RGS7: variants seen among roughly 807,000 people sequenced by gnomAD.
RGS7 encodes regulator of G protein signaling 7.
Under a neutral mutation model 81.1 loss-of-function variants are expected in RGS7, and 27 were observed. That is an observed-to-expected ratio of 0.33 (90% CI 0.25 to 0.46). The LOEUF (loss-of-function observed/expected upper bound fraction) is 0.46, where lower values mean the gene tolerates loss of function less well. RGS7 is among the 20% of genes least tolerant of loss of function. RGS7 has a pLI of 1.00. For synonymous variants in RGS7, 208 were observed against 207.7 expected (o/e 1.00, Z -0.01); for missense variants, 396 against 607.4 (o/e 0.65, Z 3.66).
chr1:240,895,347 G>C (rs1016695816), intron 6 of RGS7, among the ~76,000 whole-genome samples: 2 of 151,480 alleles, frequency 1.3e-5, no homozygotes, highest in African/African-American at 2.4e-5. Context: ...GTGCAGGTTT[G>C]TTACATACAT....
At chr1:241,243,040 G>A (rs1048065515) in intron 2 of RGS7, among the ~76,000 whole-genome samples, 1 of 151,950 alleles carries the variant, frequency 6.6e-6, no homozygotes, top group African/African-American at 2.4e-5. Flanking sequence ...TTTTGTGTGT[G>A]TCTTTTGTTT....
chr1:240,908,187 G>C (rs974053932), intron 6 of RGS7, among the ~76,000 whole-genome samples: 1 of 132,306 alleles, frequency 7.6e-6, no homozygotes, highest in Non-Finnish European at 1.6e-5. Flanking sequence ...ATCACACACC[G>C]GGGCCTGTCG....
intron 3 of RGS7, among the ~76,000 whole-genome samples, chr1:241,078,823 T>C (rs918468551): frequency 6.6e-6 from 1 of 152,142 alleles, no homozygotes; most frequent in African/African-American, 2.4e-5. Context: ...TTCACAATCA[T>C]ATATGCATCA....
intron 14 of RGS7, among the ~76,000 whole-genome samples, chr1:240,808,390 G>C (rs1472389587): frequency 6.6e-6 from 1 of 152,074 alleles, no homozygotes; most frequent in Middle Eastern, 3.2e-3. Flanking sequence ...AAATATAAAG[G>C]GGTTGAGAAG....
chr1:241,179,761 A>G (rs979592353), intron 2 of RGS7, among the ~76,000 whole-genome samples: 3 of 152,316 alleles, frequency 2.0e-5, no homozygotes, highest in East Asian at 1.9e-4. Flanking sequence ...CAGCCTGTTG[A>G]CTTCCAAGAA....
At chr1:241,167,971 G>T (rs1022682875) in intron 2 of RGS7, among the ~76,000 whole-genome samples, 1 of 152,172 alleles carries the variant, frequency 6.6e-6, no homozygotes, top group Non-Finnish European at 1.5e-5. Flanking sequence ...CCTTCAGACT[G>T]CATGTCTTCA....
At chr1:241,103,534 A>G (rs2064907843) in intron 2 of RGS7, among the ~76,000 whole-genome samples, 1 of 152,212 alleles carries the variant, frequency 6.6e-6, no homozygotes, top group African/African-American at 2.4e-5. Context: ...ACTAGGTCAA[A>G]GAGCCAATTC....
chr1:240,894,524 C>T (rs73116089), intron 6 of RGS7, among the ~76,000 whole-genome samples: 3,190 of 151,490 alleles, frequency 0.021, 93 homozygotes, highest in African/African-American at 0.069. Context: ...ATCTTTCTTC[C>T]AATTTACTTG....
intron 4 of RGS7, among the ~76,000 whole-genome samples, chr1:240,965,986 A>C (rs1396538010): frequency 6.6e-6 from 1 of 152,118 alleles, no homozygotes; most frequent in Non-Finnish European, 1.5e-5. Flanking sequence ...TAGAGGGAGG[A>C]GGTGCTCTCT....
chr1:240,969,277 T>C lies in RGS7; in HGVS notation c.226+13802A>G, dbSNP rs369006947. On this transcript the variant is annotated intron_variant, in intron 4 of 18. Coordinates refer to ENST00000440928, the MANE Select transcript of RGS7 (RefSeq NM_001364886.1). The stretch of plus-strand genomic sequence containing the variant: ...TCGGCTTATAAAAGGAACACATATA[T>C]GCAGAAAGGAAAGTGAGGCTCTAAA... Among the ~76,000 whole-genome samples, 91 of 152,220 alleles carry C rather than the reference T, an allele frequency of 6.0e-4. 1 individual carries two copies. The South Asian group carries it at 0.018, about 31-fold the overall frequency.
At chr1:240,818,311 T>C (rs991078259) in intron 10 of RGS7, among the ~76,000 whole-genome samples, 5 of 151,682 alleles carry the variant, frequency 3.3e-5, no homozygotes, top group Non-Finnish European at 7.4e-5. Context: ...ACAAAATAGA[T>C]GTGCTTCTTT....
rs188069922 is a variant in RGS7, at chr1:241,086,486, T to A, written c.175+12180A>T. ...CTATGTCCTGAAAGTCTCCCGTGCA[T>A]CCTATTTTTTCTTAAATCTCACTGG... On this transcript the variant is annotated intron_variant, in intron 3 of 18. Coordinates refer to ENST00000440928, the MANE Select transcript of RGS7 (RefSeq NM_001364886.1). Among the ~76,000 whole-genome samples the A allele has an allele frequency of 1.5e-3, 232 of 152,048 alleles. 2 individuals carry two copies. The highest frequency in any genetic ancestry group is 5.4e-3 in the African/African-American group (224 of 41,468).
chr1:240,907,976 A>C (rs1314486337), intron 6 of RGS7, among the ~76,000 whole-genome samples: 1 of 152,012 alleles, frequency 6.6e-6, no homozygotes, highest in African/African-American at 2.4e-5. Flanking sequence ...TTTATTTTTT[A>C]ATTTTCCCTT....
At position 240,942,260 on chromosome 1, in the gene RGS7, G is replaced by A. The variant is rs75739313; in HGVS notation, c.227-5554C>T. On this transcript the variant is annotated intron_variant, in intron 4 of 18. Transcript: ENST00000440928. Reference sequence around the variant, plus strand: ...GAAAACCACAGTATAAAAGAGGCTTGTGGAACTCCAGGGGTGCAATCGGTT... The same window carrying A: ...GAAAACCACAGTATAAAAGAGGCTTATGGAACTCCAGGGGTGCAATCGGTT... Among the ~76,000 whole-genome samples the A allele has an allele frequency of 9.6e-3, 1,455 of 152,348 alleles. 26 individuals are homozygous for A. Among genetic ancestry groups the A allele is most frequent in the African/African-American group, 0.033 (1,383 of 41,576 alleles).
chr1:241,137,276 G>A (rs2067592006), intron 2 of RGS7, among the ~76,000 whole-genome samples: 1 of 151,432 alleles, frequency 6.6e-6, no homozygotes, highest in Admixed American at 6.6e-5. Flanking sequence ...CCAGGTCTTT[G>A]CATTTCTAAG....
intron 3 of RGS7, among the ~76,000 whole-genome samples, chr1:240,989,362 G>A (rs549702756): frequency 6.6e-6 from 1 of 152,002 alleles, no homozygotes; most frequent in East Asian, 1.9e-4. Context: ...ATCAAACCAG[G>A]GAGCTCGAGG....
intron 3 of RGS7, among the ~76,000 whole-genome samples, chr1:241,069,691 C>T (rs1008730997): frequency 1.3e-5 from 2 of 151,972 alleles, no homozygotes; most frequent in Non-Finnish European, 2.9e-5. Context: ...AGTTTATGTA[C>T]AAAAATGCAG....
intron 2 of RGS7, among the ~76,000 whole-genome samples, chr1:241,189,931 G>A (rs576387368): frequency 7.9e-5 from 12 of 151,750 alleles, no homozygotes; most frequent in African/African-American, 1.9e-4. Context: ...GTGAAACCCC[G>A]TCTCTACTAA....
At chr1:241,211,076 G>C (rs2074216420) in intron 2 of RGS7, among the ~76,000 whole-genome samples, 1 of 152,118 alleles carries the variant, frequency 6.6e-6, no homozygotes, top group Non-Finnish European at 1.5e-5. Flanking sequence ...CCTGAGGTGG[G>C]GAGTTCAAAA....
Sources: gnomAD v4.1 joint callset for allele counts (sites outside exome capture counted in the v4.1 genomes callset) on GRCh38, gnomAD v4.1.1 for gene constraint, MANE v1.5 for transcripts, NCBI Gene and HGNC (gene_info 2026-07-23, HGNC 2026-07-21) for gene names.